PHF21A: variants seen among roughly 807,000 people sequenced by gnomAD.
PHF21A encodes PHD finger protein 21A.
In PHF21A, 11 loss-of-function variants were observed where a neutral mutation model predicts 82.5. The observed-to-expected ratio is 0.13, with a 90% CI of 0.08 to 0.22. The LOEUF is 0.22. Among genes scored for constraint, PHF21A ranks in the 10% least tolerant of loss-of-function variants. PHF21A has a pLI of 1.00. For missense variants in PHF21A, 579 were observed against 837.8 expected (o/e 0.69, Z 3.81); for synonymous variants, 297 against 302.8 (o/e 0.98, Z 0.20).
intron 6 of PHF21A, among the ~76,000 whole-genome samples, chr11:45,993,255 A>G (rs566094138): frequency 6.6e-6 from 1 of 152,312 alleles, no homozygotes; most frequent in South Asian, 2.1e-4. Flanking sequence ...ATTTTCCACA[A>G]ATATTTCCCT....
intron 10 of PHF21A, among the ~76,000 whole-genome samples, chr11:45,962,686 G>A (rs1565279532): frequency 8.2e-6 from 1 of 121,718 alleles, no homozygotes; most frequent in African/African-American, 3.0e-5. Flanking sequence ...GAGGTCAGGA[G>A]TCTGAGACCA....
chr11:46,102,770 C>A (rs2097111280), intron 1 of PHF21A, among the ~76,000 whole-genome samples: 1 of 152,212 alleles, frequency 6.6e-6, no homozygotes, highest in Non-Finnish European at 1.5e-5. Context: ...TTTAAGCTAT[C>A]CATTCTCCAA....
At chr11:46,012,931 C>T (rs2095439988) in intron 6 of PHF21A, among the ~76,000 whole-genome samples, 1 of 152,182 alleles carries the variant, frequency 6.6e-6, no homozygotes, top group African/African-American at 2.4e-5. Context: ...TGCTGCTGTA[C>T]TTCAGTCCTC....
At chr11:46,076,660 C>G in intron 6 of PHF21A, 94 bp downstream of exon 6, 1 of 951,462 alleles carries the variant, frequency 1.1e-6, no homozygotes, top group Non-Finnish European at 1.6e-6. Flanking sequence ...TATTTTCACA[C>G]ATGAGGAAAA....
chr11:46,062,847 A>G (rs959857004), intron 6 of PHF21A, among the ~76,000 whole-genome samples: 1 of 152,238 alleles, frequency 6.6e-6, no homozygotes, highest in Admixed American at 6.5e-5. Context: ...GCAGATCTCC[A>G]CACAAAGACT....
At chr11:46,059,472 T>C (rs989228303) in intron 6 of PHF21A, among the ~76,000 whole-genome samples, 33 of 152,294 alleles carry the variant, frequency 2.2e-4, no homozygotes, top group African/African-American at 7.9e-4. Context: ...GTCGCCCAGA[T>C]GGGAGTGCAG....
chr11:46,054,735 A>C (rs373760013), intron 6 of PHF21A, among the ~76,000 whole-genome samples: 2 of 152,234 alleles, frequency 1.3e-5, no homozygotes, highest in South Asian at 2.1e-4. Flanking sequence ...AAGCTTTTTC[A>C]GCCTTGTTCA....
intron 9 of PHF21A, 103 bp from the exon 10 acceptor site, chr11:45,965,711 T>C: frequency 1.2e-6 from 1 of 858,076 alleles, no homozygotes; most frequent in Non-Finnish European, 1.8e-6. Flanking sequence ...TTAATACACT[T>C]ATTAATGTTC....
chr11:46,056,721 T>C (rs1565770028), intron 6 of PHF21A, among the ~76,000 whole-genome samples: 1 of 152,134 alleles, frequency 6.6e-6, no homozygotes, highest in African/African-American at 2.4e-5. Flanking sequence ...AAATACAATG[T>C]AGATTTATTT....
At chr11:45,966,679 G>A (rs1267985068) in intron 9 of PHF21A, among the ~76,000 whole-genome samples, 3 of 152,142 alleles carry the variant, frequency 2.0e-5, no homozygotes, top group Non-Finnish European at 4.4e-5. Flanking sequence ...GAGTGCAGTG[G>A]CGCGACCTCG....
intron 6 of PHF21A, among the ~76,000 whole-genome samples, chr11:46,061,144 C>T (rs2096530339): frequency 6.6e-6 from 1 of 152,110 alleles, no homozygotes. Flanking sequence ...TTTCTGGGTT[C>T]TGTATTCTGT....
intron 8 of PHF21A, chr11:45,970,805 TGAAG>T (rs1363629921): frequency 3.4e-6 from 1 of 296,076 alleles, no homozygotes. Flanking sequence ...GTAGAGAGAG[TGAAG>T]GGAGAGGGAG....
chr11:46,117,695 C>T (rs999111082), intron 1 of PHF21A, among the ~76,000 whole-genome samples: 2 of 152,224 alleles, frequency 1.3e-5, no homozygotes, highest in African/African-American at 4.8e-5. Context: ...ATACCAACTA[C>T]TTTTGTTTAT....
In PHF21A at chr11:46,040,915, ACACACACACACACACACACG is replaced by A. The variant is rs1447048180; in HGVS notation, c.153+35819_153+35838del. On this transcript the variant is annotated intron_variant, in intron 6 of 18. Transcript: ENST00000676320. ...GACACACACACACACACACACACACACACACACACACACACACACGCACGCACAATTAAGGTTCTTGATCT... is the reference window on the plus strand; with the variant it reads ...GACACACACACACACACACACACACACACGCACAATTAAGGTTCTTGATCT... 1.3e-4 allele frequency among the ~76,000 whole-genome samples: 19 copies of A among 149,138 alleles called. 1 individual carries two copies. The highest frequency in any genetic ancestry group is 6.4e-4 in the South Asian group (3 of 4,668).
intron 6 of PHF21A, among the ~76,000 whole-genome samples, chr11:46,069,937 T>A (rs1454871605): frequency 6.6e-6 from 1 of 152,198 alleles, no homozygotes; most frequent in Non-Finnish European, 1.5e-5. Flanking sequence ...AAGAACTCCA[T>A]GCACTCAATG....
chr11:45,993,728 T>C (rs745815546), intron 6 of PHF21A, among the ~76,000 whole-genome samples: 23 of 151,402 alleles, frequency 1.5e-4, no homozygotes, highest in Non-Finnish European at 2.2e-4. Context: ...AGTCAGGCTG[T>C]TGAGATCCAA....
chr11:45,983,049 T>C (rs1379770539), intron 6 of PHF21A, among the ~76,000 whole-genome samples: 1 of 152,120 alleles, frequency 6.6e-6, no homozygotes, highest in East Asian at 1.9e-4. Flanking sequence ...CAATGTCATG[T>C]ACAACAGAAG....
intron 6 of PHF21A, among the ~76,000 whole-genome samples, chr11:45,983,204 C>T (rs556772737): frequency 6.6e-6 from 1 of 152,042 alleles, no homozygotes; most frequent in South Asian, 2.1e-4. Context: ...AACTGCTCCT[C>T]CCCCAGGGCC....
intron 17 of PHF21A, among the ~76,000 whole-genome samples, chr11:45,936,091 G>A (rs2088942271): frequency 6.6e-6 from 1 of 152,118 alleles, no homozygotes; most frequent in African/African-American, 2.4e-5. Context: ...CAGCCTGGGT[G>A]ACATGGCGAA....
Sources: gnomAD v4.1 joint callset for allele counts (sites outside exome capture counted in the v4.1 genomes callset) on GRCh38, gnomAD v4.1.1 for gene constraint, MANE v1.5 for transcripts, NCBI Gene and HGNC (gene_info 2026-07-23, HGNC 2026-07-21) for gene names.